Variants in MICU1 observed in about 807,000 individuals in gnomAD.
MICU1 encodes the protein mitochondrial calcium uptake 1, also known as calcium uptake protein 1, mitochondrial.
A neutral mutation model predicts 56.8 loss-of-function variants in MICU1; 45 were observed. The ratio of observed to expected loss-of-function variants is 0.79; its 90% CI spans 0.62 to 1.02. The LOEUF is 1.02. MICU1 is among the 50% of genes least tolerant of loss of function. The pLI, the probability that MICU1 is intolerant of heterozygous loss-of-function variation, is 0.00. For missense variants in MICU1, 504 were observed against 587.1 expected (o/e 0.86, Z 1.46); for synonymous variants, 186 against 195.1 (o/e 0.95, Z 0.39).
intron 9 of MICU1, among the ~76,000 whole-genome samples, chr10:72,418,364 A>G (rs894522111): frequency 1.3e-5 from 2 of 152,216 alleles, no homozygotes; most frequent in Non-Finnish European, 2.9e-5. Flanking sequence ...CATTCCTTAA[A>G]AATTCCTCAA....
intron 1 of MICU1, among the ~76,000 whole-genome samples, chr10:72,575,013 A>C (rs1050881937): frequency 6.6e-6 from 1 of 152,178 alleles, no homozygotes; most frequent in African/African-American, 2.4e-5. Flanking sequence ...GATGTCAAAG[A>C]GTTTCTTGTG....
rs560856568 is a variant in MICU1, at chr10:72,472,315, A to C, written c.933+2785T>G. Among the ~76,000 whole-genome samples the C allele has an allele frequency of 5.9e-5, 9 of 152,238 alleles. No individual in the cohort carries two copies. In the South Asian group the frequency reaches 1.9e-3, roughly 32 times the overall value. On this transcript the variant is annotated intron_variant, in intron 8 of 11. Transcript: ENST00000361114. ...AGGTATTACGATTAATTTATGACTA[A>C]TTTTCTGGTTTATTGAGAGCTGACC...
At chr10:72,533,001 C>T (rs780282057) in intron 5 of MICU1, 101 of 1,286,818 alleles carry the variant, frequency 7.8e-5, no homozygotes, top group Middle Eastern at 4.3e-4. Context: ...CTGCCTTTTC[C>T]AGCCACTCCA....
At chr10:72,437,417 A>G (rs932219621) in intron 8 of MICU1, among the ~76,000 whole-genome samples, 7 of 152,192 alleles carry the variant, frequency 4.6e-5, no homozygotes, top group Admixed American at 4.6e-4. Flanking sequence ...GAAAGGAACA[A>G]CCGGTACCAG....
chr10:72,618,818 G>C (rs1052737524), intron 1 of MICU1, among the ~76,000 whole-genome samples: 2 of 152,112 alleles, frequency 1.3e-5, no homozygotes, highest in African/African-American at 4.8e-5. Flanking sequence ...TGAGTACTGG[G>C]CATCTGAAAT....
At chr10:72,574,423 G>A (rs754183938) in intron 1 of MICU1, among the ~76,000 whole-genome samples, 12 of 152,130 alleles carry the variant, frequency 7.9e-5, no homozygotes, top group Non-Finnish European at 1.2e-4. Context: ...GGAGGCTGAG[G>A]CAGGAGAATC....
intron 6 of MICU1, among the ~76,000 whole-genome samples, chr10:72,495,419 C>G (rs1345358654): frequency 6.6e-6 from 1 of 152,008 alleles, no homozygotes; most frequent in Non-Finnish European, 1.5e-5. Flanking sequence ...ACTTTGGGAG[C>G]CCAAGGCGGA....
intron 8 of MICU1, among the ~76,000 whole-genome samples, chr10:72,435,721 C>A (rs1025943554): frequency 1.3e-5 from 2 of 152,240 alleles, no homozygotes; most frequent in Non-Finnish European, 2.9e-5. Context: ...TAGCAACTGG[C>A]AGACAAGGAG....
intron 5 of MICU1, among the ~76,000 whole-genome samples, chr10:72,524,330 G>A (rs892875808): frequency 6.6e-6 from 1 of 152,026 alleles, no homozygotes; most frequent in African/African-American, 2.4e-5. Flanking sequence ...TGAACTCCCG[G>A]TTGCTCAAGT....
chr10:72,434,695 T>C (rs1195241748), intron 8 of MICU1, among the ~76,000 whole-genome samples: 1 of 152,226 alleles, frequency 6.6e-6, no homozygotes. Context: ...CAAGGACTAA[T>C]TGTAGTAGAA....
chr10:72,475,309 T>C lies in MICU1; in HGVS notation c.736-12A>G. The C allele has an allele frequency of 6.3e-7, 1 of 1,575,052 alleles. No individual in the cohort carries two copies. The highest frequency in any genetic ancestry group is 8.6e-7 in the Non-Finnish European group (1 of 1,159,156). On this transcript the variant is annotated splice_polypyrimidine_tract_variant and intron_variant, in intron 7 of 11. Transcript: ENST00000361114. ...ATGATGCTCTGAACCTAATACAGAATCAAACCCACATCCAGAAAAATATTA... is the reference window on the plus strand; with the variant it reads ...ATGATGCTCTGAACCTAATACAGAACCAAACCCACATCCAGAAAAATATTA...
intron 8 of MICU1, among the ~76,000 whole-genome samples, chr10:72,450,953 T>C (rs976731693): frequency 6.6e-6 from 1 of 151,234 alleles, no homozygotes; most frequent in African/African-American, 2.4e-5. Context: ...TGACCTCAGG[T>C]GATCTGCCTG....
At chr10:72,476,157 G>A (rs891864341) in intron 7 of MICU1, among the ~76,000 whole-genome samples, 1 of 149,868 alleles carries the variant, frequency 6.7e-6, no homozygotes, top group African/African-American at 2.5e-5. Flanking sequence ...AACCCAGGAG[G>A]TGGAGGTTGC....
chr10:72,490,362 C>T (rs540942079), intron 6 of MICU1, among the ~76,000 whole-genome samples: 1 of 152,078 alleles, frequency 6.6e-6, no homozygotes, highest in Non-Finnish European at 1.5e-5. Context: ...TCAAATAACA[C>T]ATAATACTAA....
intron 2 of MICU1, among the ~76,000 whole-genome samples, chr10:72,564,406 T>C (rs1387799593): frequency 6.6e-6 from 1 of 151,306 alleles, no homozygotes; most frequent in Non-Finnish European, 1.5e-5. Flanking sequence ...CCGGGTGTGG[T>C]GGTGCTTGCC....
In MICU1 at chr10:72,413,970, C is replaced by T. The variant is rs563076728; in HGVS notation, c.1072-5933G>A. Among the ~76,000 whole-genome samples the T allele has an allele frequency of 9.2e-5, 14 of 152,234 alleles. 1 individual carries two copies. In the South Asian group the frequency reaches 2.9e-3, roughly 32 times the overall value. ...ATTGGAATGACTGTAATAAAGAAGA[C>T]AGACAATAACAGGTGTTGATGAGGG... On this transcript the variant is annotated intron_variant, in intron 9 of 11. Coordinates refer to ENST00000361114, the MANE Select transcript of MICU1 (RefSeq NM_001195518.2).
chr10:72,497,897 A>G (rs954412568), intron 6 of MICU1, among the ~76,000 whole-genome samples: 4 of 152,328 alleles, frequency 2.6e-5, no homozygotes, highest in South Asian at 4.1e-4. Context: ...GCTAAATACA[A>G]TATCAGGTGC....
At chr10:72,584,598 G>C (rs1461754723) in intron 1 of MICU1, among the ~76,000 whole-genome samples, 3 of 151,082 alleles carry the variant, frequency 2.0e-5, no homozygotes, top group Non-Finnish European at 4.4e-5. Flanking sequence ...TGTTGCCCAA[G>C]CTGGAGTGCA....
intron 3 of MICU1, among the ~76,000 whole-genome samples, chr10:72,559,313 A>C (rs1330608632): frequency 6.6e-6 from 1 of 152,162 alleles, no homozygotes; most frequent in Non-Finnish European, 1.5e-5. Flanking sequence ...TATTTTTAAT[A>C]CTCATTTCTT....
Sources: allele counts gnomAD v4.1 joint callset (sites outside exome capture counted in the v4.1 genomes callset), GRCh38; gene constraint gnomAD v4.1.1; transcripts MANE v1.5; gene names NCBI Gene and HGNC (gene_info 2026-07-23, HGNC 2026-07-21).